ZSCAN30: variants seen among roughly 807,000 people sequenced by gnomAD.
ZSCAN30 encodes zinc finger and SCAN domain containing 30, also known as zinc finger and SCAN domain-containing protein 30.
A neutral mutation model predicts 44.3 loss-of-function variants in ZSCAN30; 37 were observed. That is an observed-to-expected ratio of 0.84 (90% confidence interval 0.64 to 1.10). ZSCAN30 has a LOEUF of 1.10. Ranked by LOEUF, ZSCAN30 falls within the 50% of genes least tolerant of loss-of-function variation. The pLI is 0.00. For synonymous variants in ZSCAN30, 181 were observed against 204.6 expected, an observed-to-expected ratio of 0.88 and a Z score of 0.98; for missense variants, 549 against 582.6, an observed-to-expected ratio of 0.94 and a Z score of 0.59.
intron 1 of ZSCAN30, chr18:35,268,342 T>C (rs1049447270): frequency 2.0e-5 from 3 of 152,184 alleles, no homozygotes; most frequent in Non-Finnish European, 4.4e-5. Context: ...ATAGAGTGGA[T>C]TAAAGGACAA....
At chr18:35,256,559 A>C (rs565472905) in intron 3 of ZSCAN30, among the ~76,000 whole-genome samples, 9 of 152,172 alleles carry the variant, frequency 5.9e-5, no homozygotes, top group Non-Finnish European at 1.3e-4. Flanking sequence ...AAAGAAAAAA[A>C]AAAAGATTAC....
chr18:35,280,516 T>C (rs1012013186), intron 1 of ZSCAN30, among the ~76,000 whole-genome samples: 1 of 152,214 alleles, frequency 6.6e-6, no homozygotes, highest in Non-Finnish European at 1.5e-5. Flanking sequence ...AAGGGAATTA[T>C]CTGACCTGAA....
intron 1 of ZSCAN30, among the ~76,000 whole-genome samples, chr18:35,286,339 C>T (rs8090614): frequency 2.6e-5 from 4 of 152,120 alleles, no homozygotes; most frequent in African/African-American, 9.7e-5. Context: ...TTGAGGCCCA[C>T]GTTACCTTGA....
rs988048640 is a variant in ZSCAN30, at chr18:35,252,264, G to A, written c.*1186C>T. 3.3e-5 allele frequency: 5 copies of A among 152,196 alleles called. No individual in the cohort carries two copies. The highest frequency in any genetic ancestry group is 1.2e-4 in the African/African-American group (5 of 41,420). The allele number at this position is 152,196 out of a possible 1,614,324, so 9.4% of individuals were successfully genotyped here. ...AGACTGGTGCATTTTATGGGAAAAG[G>A]CATGTATATACACAGGGAAAGAATG... On this transcript the variant is annotated 3_prime_UTR_variant, in exon 4 of 4. Transcript: ENST00000333206.
chr18:35,263,339 G>A, intron 3 of ZSCAN30, 174 bp downstream of exon 3: 1 of 692,600 alleles, frequency 1.4e-6, no homozygotes, highest in Non-Finnish European at 2.3e-6. Context: ...AGTTACAAAT[G>A]ATACTGGAAT....
At chr18:35,258,793 C>G (rs2043930516) in intron 3 of ZSCAN30, 1 of 140,632 alleles carries the variant, frequency 7.1e-6, no homozygotes, top group African/African-American at 2.6e-5. Flanking sequence ...TCACTTGAAC[C>G]CAGGAGTTGG....
At chr18:35,275,765 C>T (rs996632888) in intron 1 of ZSCAN30, among the ~76,000 whole-genome samples, 2 of 152,186 alleles carry the variant, frequency 1.3e-5, no homozygotes, top group African/African-American at 4.8e-5. Flanking sequence ...TCCCTAAACT[C>T]CACTATTACC....
chr18:35,253,580 T>C lies in ZSCAN30; in HGVS notation c.1355A>G (p.Gln452Arg). The C allele has an allele frequency of 6.2e-7, 1 of 1,613,856 alleles. No homozygotes were observed. Reference sequence around the variant, plus strand: ...CTGGTGCTGGGTGAGGGCTGAGCTCTGATTGAAGGATTTTCCACATTCATT... The same window carrying C: ...CTGGTGCTGGGTGAGGGCTGAGCTCCGATTGAAGGATTTTCCACATTCATT... The part of the protein sequence containing the change: ...ECNECGKSFN[Q>R]SSALTQHQRI... Residue 452 changes from glutamine to arginine, a missense_variant, in exon 4 of 4, where the codon CAG becomes CGG. Transcript: ENST00000333206.
At chr18:35,270,521 T>G (rs2044248858) in intron 1 of ZSCAN30, among the ~76,000 whole-genome samples, 2 of 152,254 alleles carry the variant, frequency 1.3e-5, no homozygotes, top group Admixed American at 1.3e-4. Context: ...CCTTGAGTTC[T>G]CAATTTCTGT....
chr18:35,283,555 A>C (rs1569084874), intron 1 of ZSCAN30: 3 of 152,316 alleles, frequency 2.0e-5, no homozygotes, highest in Admixed American at 1.3e-4. Flanking sequence ...TGTGTGAGCG[A>C]AAGAGTGTGG....
intron 1 of ZSCAN30, among the ~76,000 whole-genome samples, chr18:35,277,612 A>G (rs2044388974): frequency 6.6e-6 from 1 of 152,122 alleles, no homozygotes; most frequent in South Asian, 2.1e-4. Flanking sequence ...TTCTGCCATG[A>G]TTGTAAGTTT....
At position 35,264,023 on chromosome 18, in the gene ZSCAN30, C is replaced by T; in HGVS notation, c.330G>A (p.Glu110=). 2 of 1,614,256 alleles carry T rather than the reference C, an allele frequency of 1.2e-6. No individual in the cohort carries two copies. Among genetic ancestry groups the T allele is most frequent in the South Asian group, 1.1e-5 (1 of 91,086 alleles). ...CTTCCTCTCCATTCTCTGGCCGATG[C>T]TCTCGCAGCCAAGCTTGCAGCTCCT... ...LPEELQAWLR[E]HRPENGEEAV... Residue 110 remains glutamate, a synonymous_variant, in exon 2 of 4, where the codon GAG becomes GAA. Transcript: ENST00000333206.
intron 3 of ZSCAN30, chr18:35,256,125 T>C (rs4799376): frequency 0.78 from 119,329 of 152,360 alleles, 48,343 homozygotes; most frequent in Non-Finnish European, 0.89. Flanking sequence ...ATTATGAGAC[T>C]AGAGAAAAAT....
chr18:35,287,305 G>A (rs1012596809), intron 1 of ZSCAN30, among the ~76,000 whole-genome samples: 1 of 152,036 alleles, frequency 6.6e-6, no homozygotes, highest in Non-Finnish European at 1.5e-5. Context: ...TGTAGAAGTT[G>A]ACAAACTGAT....
At chr18:35,287,286 T>C (rs57594374) in intron 1 of ZSCAN30, among the ~76,000 whole-genome samples, 8,070 of 152,188 alleles carry the variant, frequency 0.053, 336 homozygotes, top group East Asian at 0.17. Flanking sequence ...AAATCTCAGA[T>C]AGCTTCTTTG....
At position 35,253,844 on chromosome 18, in the gene ZSCAN30, T is replaced by C. The variant is rs2043686095; in HGVS notation, c.1091A>G (p.Lys364Arg). The change falls in exon 4 of 4, where the codon AAA becomes AGA. Residue 364 changes from lysine (K) to arginine (R), a missense_variant. Transcript: ENST00000333206. ...EKPYECCECGKAFRGSSELIR... is the reference protein window; with the variant it reads ...EKPYECCECGRAFRGSSELIR... ...GAGCTCTGAACTGCCCCTGAAGGCT[T>C]TTCCACATTCACAACATTCATAGGG... 1 of 1,614,202 alleles carries C rather than the reference T, an allele frequency of 6.2e-7. No homozygotes were observed. Among genetic ancestry groups the C allele is most frequent in the Non-Finnish European group, 8.5e-7 (1 of 1,180,034 alleles).
intron 1 of ZSCAN30, among the ~76,000 whole-genome samples, chr18:35,274,265 C>T (rs952179408): frequency 2.0e-5 from 3 of 152,038 alleles, no homozygotes; most frequent in Admixed American, 2.0e-4. Context: ...TCTCGATCTC[C>T]TGACCTCGTG....
In ZSCAN30 at chr18:35,251,803, T is replaced by C. The variant is rs1027631498; in HGVS notation, c.*1647A>G. The C allele has an allele frequency of 6.6e-6, 1 of 152,100 alleles. No individual in the cohort carries two copies. The highest frequency in any genetic ancestry group is 1.5e-5 in the Non-Finnish European group (1 of 68,042). 9.4% of individuals were successfully genotyped at this position (152,100 alleles called of 1,614,324 possible). On this transcript the variant is annotated 3_prime_UTR_variant, in exon 4 of 4. Coordinates refer to ENST00000333206, the MANE Select transcript of ZSCAN30 (RefSeq NM_001112734.4). ...CTGTCAGTCAATTAAACCTCTTTTTTTTTTTTAATAAATTACCCAGTATCA... is the reference window on the plus strand; with the variant it reads ...CTGTCAGTCAATTAAACCTCTTTTTCTTTTTTAATAAATTACCCAGTATCA...
rs2043628103 is a variant in ZSCAN30, at chr18:35,252,347, G to C, written c.*1103C>G. The C allele has an allele frequency of 6.6e-6, 1 of 152,232 alleles. No individual in the cohort carries two copies. The highest frequency in any genetic ancestry group is 2.1e-4 in the South Asian group (1 of 4,830). 9.4% of individuals were successfully genotyped at this position (152,232 alleles called of 1,614,324 possible). Reference sequence around the variant, plus strand: ...GAGTGTTTGTGTCCCATGACTCTGGGACTCAGGCAGTGGGAAGTATAAAGG... The same window carrying C: ...GAGTGTTTGTGTCCCATGACTCTGGCACTCAGGCAGTGGGAAGTATAAAGG... On this transcript the variant is annotated 3_prime_UTR_variant, in exon 4 of 4. Coordinates refer to ENST00000333206, the MANE Select transcript of ZSCAN30 (RefSeq NM_001112734.4).
Sources: allele counts gnomAD v4.1 joint callset (sites outside exome capture counted in the v4.1 genomes callset), GRCh38; gene constraint gnomAD v4.1.1; transcripts MANE v1.5; gene names NCBI Gene and HGNC (gene_info 2026-07-23, HGNC 2026-07-21).